The following GNAI2 variants were observed in gnomAD, a reference collection of about 807,000 sequenced individuals.
GNAI2 encodes the protein G protein subunit alpha i2.
In GNAI2, 4 loss-of-function variants were observed where a neutral mutation model predicts 36.8. The observed-to-expected ratio is 0.11, with a 90% confidence interval of 0.05 to 0.25. GNAI2 has a LOEUF of 0.25. Among genes scored for constraint, GNAI2 ranks in the 10% least tolerant of loss-of-function variants. The pLI, the probability that GNAI2 is intolerant of heterozygous loss-of-function variation, is 1.00. For synonymous variants in GNAI2, 194 were observed against 194.1 expected (o/e 1.00, Z 0.01); for missense variants, 230 against 481.3 (o/e 0.48, Z 4.89).
intron 1 of GNAI2, among the ~76,000 whole-genome samples, chr3:50,244,391 A>G (rs1234851500): frequency 6.6e-6 from 1 of 152,052 alleles, no homozygotes; most frequent in Admixed American, 6.6e-5. Context: ...AGTGATGCTC[A>G]AGTTATAGCT....
At chr3:50,251,467 TGA>T in intron 1 of GNAI2, 1 of 1,050,212 alleles carries the variant, frequency 9.5e-7, no homozygotes, top group Non-Finnish European at 1.2e-6. Context: ...CCCAGATTCA[TGA>T]GTCAGTACGC....
In GNAI2 at chr3:50,257,062, C is replaced by T. The variant is rs139197363; in HGVS notation, c.849C>T (p.Pro283=). Residue 283 remains proline (P), a synonymous_variant, in exon 7 of 9, where the codon CCC becomes CCT. Coordinates refer to ENST00000313601, the MANE Select transcript of GNAI2 (RefSeq NM_002070.4). The part of the protein sequence containing the change: ...DLFEEKITHS[P]LTICFPEYTG... Reference sequence around the variant, plus strand: ...TTGAGGAGAAGATCACACACAGTCCCCTGACCATCTGCTTCCCTGAGTACA... The same window carrying T: ...TTGAGGAGAAGATCACACACAGTCCTCTGACCATCTGCTTCCCTGAGTACA... The T allele has an allele frequency of 4.1e-4, 657 of 1,614,096 alleles. 5 individuals are homozygous for T. Among genetic ancestry groups the T allele is most frequent in the South Asian group, 3.8e-3 (348 of 91,078 alleles).
chr3:50,232,625 G>C (rs587765427), upstream of GNAI2, among the ~76,000 whole-genome samples: 2 of 152,298 alleles, frequency 1.3e-5, no homozygotes, highest in South Asian at 4.1e-4. Context: ...CAGTGTGTGT[G>C]GGGGCTTCAT....
At chr3:50,232,519 C>CA (rs1700086531), upstream of GNAI2, among the ~76,000 whole-genome samples, 1 of 152,116 alleles carries the variant, frequency 6.6e-6, no homozygotes, top group Non-Finnish European at 1.5e-5. Flanking sequence ...GGTACTTGTC[C>CA]AAAGTAACAA....
At chr3:50,256,395 A>G (rs1553703195) in intron 5 of GNAI2, 75 bp downstream of exon 5, 3 of 1,374,746 alleles carry the variant, frequency 2.2e-6, no homozygotes, top group Middle Eastern at 3.6e-4. Context: ...GGGCTGGTCC[A>G]GGATCCCCCA....
intron 1 of GNAI2, among the ~76,000 whole-genome samples, chr3:50,244,332 G>A (rs2109194698): frequency 6.6e-6 from 1 of 152,214 alleles, no homozygotes; most frequent in Middle Eastern, 3.4e-3. Context: ...CCCGGCTGCA[G>A]CTGCACCTTT....
rs955763373 is a variant in GNAI2, at chr3:50,252,691, G to A, written c.303+153G>A. Reference sequence around the variant, plus strand: ...CCAGCCTGGCCAACTTGGTGAAACCGCGTCTCTACTAAAAATACAAAAATT... The same window carrying A: ...CCAGCCTGGCCAACTTGGTGAAACCACGTCTCTACTAAAAATACAAAAATT... On this transcript the variant is annotated intron_variant, in intron 3 of 8. Coordinates refer to ENST00000313601, the MANE Select transcript of GNAI2 (RefSeq NM_002070.4). The surrounding 1 kb of genome is among the most constrained non-coding windows in gnomAD (Gnocchi z 4.1). 4.6e-5 allele frequency among the ~76,000 whole-genome samples: 7 copies of A among 152,094 alleles called. No individual in the cohort carries two copies. The highest frequency in any genetic ancestry group is 8.8e-5 in the Non-Finnish European group (6 of 68,018).
rs1158404462 is a variant in GNAI2, at chr3:50,241,019, G to C, written c.118+4566G>C. On this transcript the variant is annotated intron_variant, in intron 1 of 8. Coordinates refer to ENST00000313601, the MANE Select transcript of GNAI2 (RefSeq NM_002070.4). The surrounding 1 kb of genome is among the most constrained non-coding windows in gnomAD (Gnocchi z 5.0). ...TCCCATCCTAGAGGCTGCCTGGCCT[G>C]GGTTTGGAGCCCTAGGGAACCCCCT... is the stretch of plus-strand genomic sequence containing the variant. Among the ~76,000 whole-genome samples, 1 of 152,098 alleles carries C rather than the reference G, an allele frequency of 6.6e-6. No homozygotes were observed. Among genetic ancestry groups the C allele is most frequent in the Non-Finnish European group, 1.5e-5 (1 of 68,008 alleles).
At chr3:50,247,071 G>T (rs1344421597) in intron 1 of GNAI2, 4 of 805,222 alleles carry the variant, frequency 5.0e-6, no homozygotes, top group Non-Finnish European at 8.4e-6. Context: ...TGCAGGAAAT[G>T]AGAGGTTTGG....
chr3:50,252,557 A>C lies in GNAI2; in HGVS notation c.303+19A>C. On this transcript the variant is annotated intron_variant, in intron 3 of 8. Coordinates refer to ENST00000313601, the MANE Select transcript of GNAI2 (RefSeq NM_002070.4). The surrounding 1 kb of genome is among the most constrained non-coding windows in gnomAD (Gnocchi z 4.1). The stretch of plus-strand genomic sequence containing the variant: ...CAGAGCGGTATGTGCCCTCCGCCCC[A>C]CCCTCTCCCACCTCCCAAAAGGTTT... 6.3e-7 allele frequency: 1 copy of C among 1,599,256 alleles called. No individual in the cohort carries two copies. Among genetic ancestry groups the C allele is most frequent in the Non-Finnish European group, 8.5e-7 (1 of 1,169,910 alleles).
rs1553701232 is a variant in GNAI2 at position 50,242,163 on chromosome 3, C to T, written c.118+5710C>T. On this transcript the variant is annotated intron_variant, in intron 1 of 8. Coordinates refer to ENST00000313601, the MANE Select transcript of GNAI2 (RefSeq NM_002070.4). The surrounding 1 kb of genome is among the most constrained non-coding windows in gnomAD (Gnocchi z 4.8). ...ACAGGATGGAGGAAGCTTTGTCCACCCAAGCTCTTAGCCACTGAGGAACCA... is the reference window on the plus strand; with the variant it reads ...ACAGGATGGAGGAAGCTTTGTCCACTCAAGCTCTTAGCCACTGAGGAACCA... Among the ~76,000 whole-genome samples the T allele has an allele frequency of 6.6e-6, 1 of 152,112 alleles. No homozygotes were observed. The highest frequency in any genetic ancestry group is 2.4e-5 in the African/African-American group (1 of 41,414).
intron 1 of GNAI2, among the ~76,000 whole-genome samples, chr3:50,243,882 C>T (rs1320415235): frequency 6.6e-6 from 1 of 152,152 alleles, no homozygotes; most frequent in Non-Finnish European, 1.5e-5. Flanking sequence ...TGTGTTCTGC[C>T]TGTGCCTATG....
chr3:50,251,404 T>G (rs782769834), intron 1 of GNAI2: 59 of 1,014,344 alleles, frequency 5.8e-5, no homozygotes, highest in Non-Finnish European at 6.9e-5. Flanking sequence ...GGGAAAAGCT[T>G]GAGTCAGTAT....
rs782751739 is a variant in GNAI2 at position 50,257,706 on chromosome 3, G to A, written c.*16G>A. On this transcript the variant is annotated 3_prime_UTR_variant, in exon 8 of 9. Coordinates refer to ENST00000313601, the MANE Select transcript of GNAI2 (RefSeq NM_002070.4). ...CCTCTTCTGAGGGGCAGCGGGGCCTGGCGGGATGGTGAGCCAGAGGGGCTG... is the reference window on the plus strand; with the variant it reads ...CCTCTTCTGAGGGGCAGCGGGGCCTAGCGGGATGGTGAGCCAGAGGGGCTG... The A allele has an allele frequency of 1.0e-5, 16 of 1,528,486 alleles. No homozygotes were observed. In the African/African-American group the frequency reaches 2.2e-4, roughly 21 times the overall value. 94.7% of individuals were successfully genotyped at this position (1,528,486 alleles called of 1,614,324 possible). A position where few individuals can be genotyped will look rare whatever the true frequency, so the allele number is the denominator to read the frequency against.
At chr3:50,245,473 T>TGGA (rs1700394871) in intron 1 of GNAI2, among the ~76,000 whole-genome samples, 1 of 152,192 alleles carries the variant, frequency 6.6e-6, no homozygotes, top group East Asian at 1.9e-4. Flanking sequence ...GCTCCCGTTA[T>TGGA]CTTTCCCAGA....
chr3:50,235,571 C>T (rs951857466), upstream of GNAI2, among the ~76,000 whole-genome samples: 1 of 152,164 alleles, frequency 6.6e-6, no homozygotes, highest in Non-Finnish European at 1.5e-5. Context: ...CTGCCCGCCT[C>T]GGCCTCCTAA....
At chr3:50,256,463 A>G (rs1674425203) in intron 5 of GNAI2, 143 bp downstream of exon 5, 1 of 799,748 alleles carries the variant, frequency 1.3e-6, no homozygotes, top group Non-Finnish European at 2.1e-6. Context: ...CTCACCACCT[A>G]GTGAACCAGC....
chr3:50,252,902 C>A lies in GNAI2; in HGVS notation c.304-122C>A. The A allele has an allele frequency of 1.3e-6, 1 of 767,780 alleles. No individual in the cohort carries two copies. The allele number at this position is 767,780 out of a possible 1,614,324, so 47.6% of individuals were successfully genotyped here. On this transcript the variant is annotated intron_variant, in intron 3 of 8. Transcript: ENST00000313601. The surrounding 1 kb of genome is among the most constrained non-coding windows in gnomAD (Gnocchi z 4.1). ...CAACAACAACAAAAAGGTTTTAGGGCAAGTCTCATCCTAGGGAATCCAAGA... is the reference window on the plus strand; with the variant it reads ...CAACAACAACAAAAAGGTTTTAGGGAAAGTCTCATCCTAGGGAATCCAAGA...
chr3:50,232,624 T>G (rs958369593), upstream of GNAI2, among the ~76,000 whole-genome samples: 9 of 152,278 alleles, frequency 5.9e-5, no homozygotes, highest in African/African-American at 1.9e-4. Context: ...CCAGTGTGTG[T>G]GGGGGCTTCA....
Sources: gnomAD v4.1 joint callset for allele counts (sites outside exome capture counted in the v4.1 genomes callset) on GRCh38, gnomAD v4.1.1 for gene constraint, Gnocchi (gnomAD v3.1) non-coding constraint, MANE v1.5 for transcripts, NCBI Gene and HGNC (gene_info 2026-07-23, HGNC 2026-07-21) for gene names.